CPEB3: variants seen among roughly 807,000 people sequenced by gnomAD.
CPEB3 encodes the protein cytoplasmic polyadenylation element binding protein 3, also known as cytoplasmic polyadenylation element-binding protein 3.
Under a neutral mutation model 67.2 loss-of-function variants are expected in CPEB3, and 20 were observed. The observed-to-expected ratio is 0.30, with a 90% confidence interval of 0.21 to 0.43. The LOEUF (loss-of-function observed/expected upper bound fraction) is 0.43. Among genes scored for constraint, CPEB3 ranks in the 20% least tolerant of loss-of-function variants. The pLI, the probability that CPEB3 is intolerant of heterozygous loss-of-function variation, is 1.00. For missense variants in CPEB3, 746 were observed against 968.6 expected (o/e 0.77, Z 3.05); for synonymous variants, 376 against 393.1 (o/e 0.96, Z 0.51).
intron 2 of CPEB3, among the ~76,000 whole-genome samples, chr10:92,236,852 G>T (rs1325241180): frequency 6.6e-6 from 1 of 152,158 alleles, no homozygotes; most frequent in Non-Finnish European, 1.5e-5. Flanking sequence ...TGGCAAAAAA[G>T]AAGCAGTGCA....
In CPEB3 at chr10:92,115,047, C is replaced by T. The variant is rs999245499; in HGVS notation, c.1454-3853G>A. On this transcript the variant is annotated intron_variant, in intron 6 of 9. Transcript: ENST00000265997. Reference sequence around the variant, plus strand: ...CAGCTCCTCCTCTTCTCCGCCCCGGCGGCCGCGGGCGCGGGGGACGTCAGC... The same window carrying T: ...CAGCTCCTCCTCTTCTCCGCCCCGGTGGCCGCGGGCGCGGGGGACGTCAGC... Among the ~76,000 whole-genome samples, 3 of 152,334 alleles carry T rather than the reference C, an allele frequency of 2.0e-5. No individual in the cohort carries two copies. The East Asian group carries it at 5.8e-4, about 29-fold the overall frequency.
intron 2 of CPEB3, among the ~76,000 whole-genome samples, chr10:92,199,986 T>C (rs1260546002): frequency 6.6e-6 from 1 of 152,172 alleles, no homozygotes; most frequent in Non-Finnish European, 1.5e-5. Flanking sequence ...TTCAATGGTA[T>C]ATTTTACCCA....
In CPEB3 at chr10:92,050,773, T is replaced by C. The variant is rs947993273; in HGVS notation, c.*1439A>G. On this transcript the variant is annotated 3_prime_UTR_variant, in exon 10 of 10. Transcript: ENST00000265997. Reference sequence around the variant, plus strand: ...AACTTTCTTAAAAATGTGCCTAGTTTGTCAATCTGACAACTTATCTCTATA... The same window carrying C: ...AACTTTCTTAAAAATGTGCCTAGTTCGTCAATCTGACAACTTATCTCTATA... 3.3e-5 allele frequency: 5 copies of C among 152,684 alleles called. No individual in the cohort carries two copies. Among genetic ancestry groups the C allele is most frequent in the African/African-American group, 1.2e-4 (5 of 41,470 alleles). The allele number at this position is 152,684 out of a possible 1,614,324, so 9.5% of individuals were successfully genotyped here. A position where few individuals can be genotyped will look rare whatever the true frequency, so the allele number is the denominator to read the frequency against.
rs188124326 is a variant in CPEB3 at position 92,252,613 on chromosome 10, T to C, written c.-11-12252A>G. On this transcript the variant is annotated intron_variant, in intron 1 of 9. Transcript: ENST00000265997. ...TGATAAGGCAAAGATAATGAATAGA[T>C]GCCAACTTTTTTTTTTTAATTTTTA... is the stretch of plus-strand genomic sequence containing the variant. Among the ~76,000 whole-genome samples, 15 of 152,222 alleles carry C rather than the reference T, an allele frequency of 9.9e-5. 1 individual carries two copies. The highest frequency in any genetic ancestry group is 6.5e-5 in the Admixed American group (1 of 15,284).
chr10:92,098,153 C>T (rs1460174877), intron 7 of CPEB3, among the ~76,000 whole-genome samples: 2 of 83,704 alleles, frequency 2.4e-5, no homozygotes, highest in East Asian at 8.1e-4. Flanking sequence ...AAGAGTGACA[C>T]TCTGCCTAAA....
chr10:92,235,773 C>T (rs955867995), intron 2 of CPEB3, among the ~76,000 whole-genome samples: 1 of 152,216 alleles, frequency 6.6e-6, no homozygotes, highest in Non-Finnish European at 1.5e-5. Context: ...TCAACCTGAA[C>T]CTGGGTACGT....
intron 1 of CPEB3, among the ~76,000 whole-genome samples, chr10:92,259,851 C>T (rs1010946429): frequency 6.6e-6 from 1 of 152,140 alleles, no homozygotes; most frequent in Non-Finnish European, 1.5e-5. Context: ...CTAGGTACTT[C>T]CACACATTAA....
intron 2 of CPEB3, among the ~76,000 whole-genome samples, chr10:92,201,529 G>C (rs530147859): frequency 2.0e-5 from 3 of 151,704 alleles, no homozygotes; most frequent in African/African-American, 7.3e-5. Context: ...CACTGTCTCA[G>C]AAACAAACAA....
chr10:92,115,523 T>C (rs543781914), intron 6 of CPEB3, among the ~76,000 whole-genome samples: 4 of 152,224 alleles, frequency 2.6e-5, no homozygotes, highest in Non-Finnish European at 5.9e-5. Context: ...TTGGTGCTAA[T>C]TGGGCGGAAA....
chr10:92,289,732 A>AAAATATATATAT, intron 1 of CPEB3, among the ~76,000 whole-genome samples: 1 of 75,770 alleles, frequency 1.3e-5, no homozygotes, highest in African/African-American at 5.1e-5. Flanking sequence ...AAAAAAAAAA[A>AAAATATATATAT]ATATATATAT....
At chr10:92,212,210 CTTT>C (rs998565592) in intron 2 of CPEB3, among the ~76,000 whole-genome samples, 9 of 119,982 alleles carry the variant, frequency 7.5e-5, no homozygotes, top group Non-Finnish European at 5.4e-5. Context: ...ACAATAAATT[CTTT>C]TTTTTTTTTT....
chr10:92,218,975 T>C (rs1451473976), intron 2 of CPEB3, among the ~76,000 whole-genome samples: 1 of 152,156 alleles, frequency 6.6e-6, no homozygotes. Context: ...TACTGACTAC[T>C]GTAAAAAGCC....
At chr10:92,141,874 C>T (rs1288885279) in intron 6 of CPEB3, among the ~76,000 whole-genome samples, 3 of 151,040 alleles carry the variant, frequency 2.0e-5, no homozygotes, top group African/African-American at 7.3e-5. Flanking sequence ...AAAAATGAGC[C>T]GGGCGTGGCG....
chr10:92,255,063 A>C (rs1472192317), intron 1 of CPEB3, among the ~76,000 whole-genome samples: 2 of 151,754 alleles, frequency 1.3e-5, no homozygotes, highest in African/African-American at 2.4e-5. Flanking sequence ...AATGTCTCCA[A>C]TTTCCCTACT....
chr10:92,195,313 G>C (rs368983174), intron 2 of CPEB3, among the ~76,000 whole-genome samples: 8 of 152,076 alleles, frequency 5.3e-5, no homozygotes, highest in African/African-American at 1.9e-4. Context: ...AAAGAGACAT[G>C]GAATATTTTC....
intron 4 of CPEB3, among the ~76,000 whole-genome samples, chr10:92,158,150 A>C (rs1847294546): frequency 1.3e-5 from 2 of 152,200 alleles, no homozygotes; most frequent in Middle Eastern, 3.2e-3. Context: ...AAATTCACAC[A>C]AAGCTTTTCT....
intron 3 of CPEB3, among the ~76,000 whole-genome samples, chr10:92,189,142 A>G (rs1356987178): frequency 2.6e-5 from 4 of 152,216 alleles, no homozygotes; most frequent in African/African-American, 4.8e-5. Context: ...TACATCTTAA[A>G]GTACTAGATA....
chr10:92,101,474 A>G (rs913452224), intron 7 of CPEB3, among the ~76,000 whole-genome samples: 1 of 152,088 alleles, frequency 6.6e-6, no homozygotes, highest in Admixed American at 6.6e-5. Flanking sequence ...AGTCAGCTAA[A>G]CCTAGGTCTG....
intron 1 of CPEB3, among the ~76,000 whole-genome samples, chr10:92,278,322 G>C (rs767279963): frequency 1.3e-5 from 2 of 152,134 alleles, no homozygotes; most frequent in Middle Eastern, 3.2e-3. Flanking sequence ...AGATCAGTTT[G>C]AGGAGTACTG....
Sources: allele counts gnomAD v4.1 joint callset (sites outside exome capture counted in the v4.1 genomes callset), GRCh38; gene constraint gnomAD v4.1.1; transcripts MANE v1.5; gene names NCBI Gene and HGNC (gene_info 2026-07-23, HGNC 2026-07-21).